The following ZBTB25 variants were observed in gnomAD, a reference collection of about 807,000 sequenced individuals.
ZBTB25 encodes the protein zinc finger and BTB domain containing 25.
In ZBTB25, 20 loss-of-function variants were observed where a neutral mutation model predicts 34.2. The observed-to-expected ratio is 0.58, with a 90% CI of 0.41 to 0.85. The LOEUF (loss-of-function observed/expected upper bound fraction) is 0.85, where lower values mean the gene tolerates loss of function less well. Ranked by LOEUF, ZBTB25 falls within the 40% of genes least tolerant of loss-of-function variation. ZBTB25 has a pLI of 0.00. For missense variants in ZBTB25, 437 were observed against 521.8 expected, an observed-to-expected ratio of 0.84 and a Z score of 1.58; for synonymous variants, 175 against 186.4, an observed-to-expected ratio of 0.94 and a Z score of 0.50.
In ZBTB25 at chr14:64,501,855, T is replaced by C. The variant is rs10141608; in HGVS notation, c.-8+1806A>G. On this transcript the variant is annotated intron_variant, in intron 1 of 2. Transcript: ENST00000608382. ...GCTCACAGCTCCACTTTGTAAGGCA[T>C]AGAGGGCAGCTGAAAGTCCTGCTTG... Among the ~76,000 whole-genome samples the C allele has an allele frequency of 1.5e-3, 224 of 152,352 alleles. 1 individual carries two copies. The highest frequency in any genetic ancestry group is 5.0e-3 in the African/African-American group (206 of 41,578).
chr14:64,492,617 A>T (rs1181387402), intron 1 of ZBTB25, among the ~76,000 whole-genome samples: 3 of 152,032 alleles, frequency 2.0e-5, no homozygotes, highest in African/African-American at 7.2e-5. Flanking sequence ...AAAAAAACAA[A>T]ACCAAACCCT....
chr14:64,504,877 C>T (rs928316148), upstream of ZBTB25: 5 of 396,854 alleles, frequency 1.3e-5, no homozygotes, highest in Admixed American at 4.4e-5. Flanking sequence ...TCGCCTTCGC[C>T]CGCCTTTCCC....
chr14:64,498,153 G>A (rs1423001167), intron 1 of ZBTB25, among the ~76,000 whole-genome samples: 3 of 152,190 alleles, frequency 2.0e-5, no homozygotes, highest in Non-Finnish European at 4.4e-5. Flanking sequence ...TGTAGAGAAT[G>A]AAACAATGTT....
intron 1 of ZBTB25, among the ~76,000 whole-genome samples, chr14:64,498,051 A>G (rs1205203834): frequency 6.6e-6 from 1 of 152,236 alleles, no homozygotes; most frequent in African/African-American, 2.4e-5. Flanking sequence ...CAAAAGCAAA[A>G]TATTTCAAGT....
chr14:64,469,586 TCTC>T, intron 2 of ZBTB25: 1 of 1,613,748 alleles, frequency 6.2e-7, no homozygotes, highest in Non-Finnish European at 8.5e-7. Context: ...AACAGCCTCT[TCTC>T]TAGTCAAGAA....
At chr14:64,449,433 C>T (rs2078335896) in exon 3 of ZBTB25, 1 of 1,612,630 alleles carries the variant, frequency 6.2e-7, no homozygotes, top group African/African-American at 1.3e-5. Context: ...ATATGAAATG[C>T]TTCCTTTATA....
chr14:64,495,155 C>T (rs2079225879), intron 1 of ZBTB25, among the ~76,000 whole-genome samples: 2 of 152,180 alleles, frequency 1.3e-5, no homozygotes. Flanking sequence ...GGATTATAGT[C>T]TAGGTATTGT....
At chr14:64,453,681 T>C (rs1304393245) in intron 2 of ZBTB25, 4 of 859,408 alleles carry the variant, frequency 4.7e-6, no homozygotes, top group Non-Finnish European at 7.9e-6. Flanking sequence ...TGACCTAGAA[T>C]GTGGCTATGT....
intron 1 of ZBTB25, among the ~76,000 whole-genome samples, chr14:64,491,871 C>T (rs573834884): frequency 3.3e-4 from 50 of 152,178 alleles, no homozygotes; most frequent in African/African-American, 1.1e-3. Context: ...CAGGGTTAGC[C>T]GTCTAAAGAT....
chr14:64,500,263 C>A (rs1393935860), intron 1 of ZBTB25, among the ~76,000 whole-genome samples: 1 of 152,008 alleles, frequency 6.6e-6, no homozygotes, highest in Non-Finnish European at 1.5e-5. Flanking sequence ...ACCAATACTT[C>A]TTTCGCAATG....
rs931440330 is a variant in ZBTB25 at position 64,481,811 on chromosome 14, T to A, written c.*5112A>T. 2 of 152,206 alleles carry A rather than the reference T, an allele frequency of 1.3e-5. No individual in the cohort carries two copies. The highest frequency in any genetic ancestry group is 4.8e-5 in the African/African-American group (2 of 41,456). The allele number at this position is 152,206 out of a possible 1,614,324, so 9.4% of individuals were successfully genotyped here. A position where few individuals can be genotyped will look rare whatever the true frequency, so the allele number is the denominator to read the frequency against. The stretch of plus-strand genomic sequence containing the variant: ...ACAGAAGTACAGCAGAGAGAAATCA[T>A]TTACAGACTTCACTCTTAAGAAATC... On this transcript the variant is annotated 3_prime_UTR_variant, in exon 3 of 3. Transcript: ENST00000608382.
chr14:64,493,388 C>T (rs2079156590), intron 1 of ZBTB25, among the ~76,000 whole-genome samples: 1 of 152,154 alleles, frequency 6.6e-6, no homozygotes, highest in Admixed American at 6.5e-5. Flanking sequence ...CAGTATCTAA[C>T]TTATAGGTTA....
chr14:64,473,859 T>C (rs2078697181), downstream of ZBTB25: 1 of 166,898 alleles, frequency 6.0e-6, no homozygotes, highest in Admixed American at 6.5e-5. Context: ...ATGAACTCTC[T>C]TATACATAAT....
At chr14:64,453,364 G>C (rs1415945838) in intron 2 of ZBTB25, among the ~76,000 whole-genome samples, 1 of 152,066 alleles carries the variant, frequency 6.6e-6, no homozygotes, top group Non-Finnish European at 1.5e-5. Context: ...CTGAGGTTGG[G>C]AGTTCAAGAC....
chr14:64,455,558 A>G (rs1183151885), intron 2 of ZBTB25, among the ~76,000 whole-genome samples: 1 of 152,204 alleles, frequency 6.6e-6, no homozygotes, highest in East Asian at 1.9e-4. Context: ...TCCTGAATCT[A>G]GGTTATCCCC....
In ZBTB25 at chr14:64,486,168, G is replaced by A. The variant is rs2078856916; in HGVS notation, c.*755C>T. 1 of 664,552 alleles carries A rather than the reference G, an allele frequency of 1.5e-6. No individual in the cohort carries two copies. Among genetic ancestry groups the A allele is most frequent in the African/African-American group, 2.0e-5 (1 of 50,642 alleles). The allele number at this position is 664,552 out of a possible 1,614,324, so 41.2% of individuals were successfully genotyped here. On this transcript the variant is annotated 3_prime_UTR_variant, in exon 3 of 3. Transcript: ENST00000608382. ...TACAAAAAAATTAGCTGGGCGTGGT[G>A]GCGGGCGCCTGTAGTCCCAGCTGCT...
In ZBTB25 at chr14:64,486,017, A is replaced by T; in HGVS notation, c.*906T>A. On this transcript the variant is annotated 3_prime_UTR_variant, in exon 3 of 3. Coordinates refer to ENST00000608382, the MANE Select transcript of ZBTB25 (RefSeq NM_006977.5). ...TCTTCTCCCTTTAACTGTTTTTTTTATTAAAAATGAGATATACCACATCTG... is the reference window on the plus strand; with the variant it reads ...TCTTCTCCCTTTAACTGTTTTTTTTTTTAAAAATGAGATATACCACATCTG... 1.0e-6 allele frequency: 1 copy of T among 984,044 alleles called. No homozygotes were observed. Among genetic ancestry groups the T allele is most frequent in the Non-Finnish European group, 1.2e-6 (1 of 828,878 alleles). 61.0% of individuals were successfully genotyped at this position (984,044 alleles called of 1,614,324 possible).
chr14:64,473,741 T>C (rs961191085), downstream of ZBTB25: 4 of 167,142 alleles, frequency 2.4e-5, no homozygotes, highest in African/African-American at 9.6e-5. Flanking sequence ...TCTGATAATA[T>C]AGCAGGATTT....
downstream of ZBTB25, among the ~76,000 whole-genome samples, chr14:64,475,221 C>CG (rs2078708634): frequency 1.3e-5 from 2 of 152,134 alleles, no homozygotes; most frequent in Non-Finnish European, 2.9e-5. Context: ...GGGCGGATCA[C>CG]AAGGTCAGGA....
Sources: allele counts gnomAD v4.1 joint callset (sites outside exome capture counted in the v4.1 genomes callset), GRCh38; gene constraint gnomAD v4.1.1; transcripts MANE v1.5; gene names NCBI Gene and HGNC (gene_info 2026-07-23, HGNC 2026-07-21).